TBL1Y: variants seen among roughly 807,000 people sequenced by gnomAD.
TBL1Y encodes the protein F-box-like/WD repeat-containing protein TBL1Y.
Under a neutral mutation model 12.0 loss-of-function variants are expected in TBL1Y, and 15 were observed. That is an observed-to-expected ratio of 1.25 (90% CI 0.83 to 1.92). The LOEUF (loss-of-function observed/expected upper bound fraction) is 1.92, where lower values mean the gene tolerates loss of function less well. TBL1Y is among the 40% of genes most tolerant of loss of function. The pLI is 0.00. For missense variants in TBL1Y, 148 were observed against 116.7 expected (o/e 1.27, Z -1.24); for synonymous variants, 53 against 42.6 (o/e 1.24, Z -0.95).
At chrY:6,980,090 C>T in intron 3 of TBL1Y, among the ~76,000 whole-genome samples, 1 of 33,277 alleles carries the variant, frequency 3.0e-5, no homozygotes, top group Admixed American at 2.7e-4. Context: ...AGTCCCACCT[C>T]CAACATAGGA....
chrY:6,943,438 G>T, intron 2 of TBL1Y, among the ~76,000 whole-genome samples: 1 of 32,935 alleles, frequency 3.0e-5, no homozygotes, highest in Admixed American at 2.8e-4. Context: ...AATATCTTTG[G>T]GGGATTGGTT....
intron 4 of TBL1Y, among the ~76,000 whole-genome samples, chrY:7,019,270 G>A: frequency 3.0e-5 from 1 of 33,338 alleles, no homozygotes; most frequent in Non-Finnish European, 7.4e-5. Context: ...GTAATGAACA[G>A]GTGTTGGAAG....
chrY:7,025,096 C>G lies in TBL1Y; in HGVS notation c.12C>G (p.Thr4=). The G allele has an allele frequency of 2.5e-6, 1 of 397,416 alleles. No individual in the cohort carries two copies. Among genetic ancestry groups the G allele is most frequent in the Non-Finnish European group, 3.5e-6 (1 of 283,121 alleles). The part of the protein sequence containing the change: MSI[T]SDEVNFLVYR... ...GAGGTGAGGCTAAGATGAGCATAACCAGTGACGAGGTGAACTTTCTGGTTT... is the reference window on the plus strand; with the variant it reads ...GAGGTGAGGCTAAGATGAGCATAACGAGTGACGAGGTGAACTTTCTGGTTT... Residue 4 remains threonine (T), a synonymous_variant, in exon 6 of 19, where the codon ACC becomes ACG. Transcript: ENST00000383032.
At chrY:7,078,517 T>A (rs2013074648) in intron 13 of TBL1Y, among the ~76,000 whole-genome samples, 1 of 33,831 alleles carries the variant, frequency 3.0e-5, no homozygotes, top group Non-Finnish European at 7.4e-5. Flanking sequence ...GCTGGTCAGA[T>A]GTTGATGGGT....
rs769079268 is a variant in TBL1Y, at chrY:7,043,092, G to A, written c.171G>A (p.Leu57=). 1 of 398,343 alleles carries A rather than the reference G, an allele frequency of 2.5e-6. No homozygotes were observed. The highest frequency in any genetic ancestry group is 6.1e-5 in the African/African-American group (1 of 16,264). Reference sequence around the variant, plus strand: ...TCATCTCCATTCTCCAGAAGGGACTGCAGTATGTAGAGGCTGAGATAAGCA... The same window carrying A: ...TCATCTCCATTCTCCAGAAGGGACTACAGTATGTAGAGGCTGAGATAAGCA... ...SALISILQKG[L]QYVEAEISIN... is the part of the protein sequence containing the mutation. The change falls in exon 7 of 19, where the codon CTG becomes CTA. Residue 57 remains leucine, a synonymous_variant. Transcript: ENST00000383032.
intron 4 of TBL1Y, among the ~76,000 whole-genome samples, chrY:7,000,938 A>C (rs781229772): frequency 3.0e-5 from 1 of 33,689 alleles, no homozygotes; most frequent in South Asian, 6.6e-4. Flanking sequence ...CCTGGTCTTA[A>C]TTAGCAGCAC....
chrY:6,964,819 C>G, intron 2 of TBL1Y, among the ~76,000 whole-genome samples: 1 of 32,317 alleles, frequency 3.1e-5, no homozygotes, highest in African/African-American at 1.2e-4. Flanking sequence ...TCCTGCTTGA[C>G]TCCCTTTCCC....
chrY:7,022,001 A>G (rs2012585277), intron 5 of TBL1Y, among the ~76,000 whole-genome samples: 1 of 33,066 alleles, frequency 3.0e-5, no homozygotes. Context: ...TAACCGTGAA[A>G]CTTATTAGAA....
chrY:6,928,060 G>C, intron 2 of TBL1Y, among the ~76,000 whole-genome samples: 1 of 33,355 alleles, frequency 3.0e-5, no homozygotes, highest in Non-Finnish European at 7.4e-5. Context: ...GAGCCCATTT[G>C]CTGAGAATAG....
chrY:6,987,165 C>T (rs2012324976), intron 3 of TBL1Y, among the ~76,000 whole-genome samples: 1 of 32,909 alleles, frequency 3.0e-5, no homozygotes, highest in South Asian at 6.9e-4. Context: ...GAATTGACAA[C>T]ACGTATAGAT....
chrY:7,070,011 C>A (rs2013011808), intron 8 of TBL1Y, among the ~76,000 whole-genome samples, 185 bp from the exon 9 acceptor site: 1 of 33,442 alleles, frequency 3.0e-5, no homozygotes, highest in Non-Finnish European at 7.4e-5. Flanking sequence ...GGTTTAGAGA[C>A]TGTGAAATTA....
intron 7 of TBL1Y, among the ~76,000 whole-genome samples, chrY:7,047,823 G>A (rs2012769987): frequency 4.3e-5 from 1 of 22,990 alleles, no homozygotes; most frequent in South Asian, 1.2e-3. Flanking sequence ...GCAGTGGTGC[G>A]ATCTCGGCTC....
At chrY:7,049,541 G>A in intron 7 of TBL1Y, among the ~76,000 whole-genome samples, 1 of 33,369 alleles carries the variant, frequency 3.0e-5, no homozygotes, top group African/African-American at 1.2e-4. Context: ...GTTGTTTCCT[G>A]ACTTTTTAAT....
intron 2 of TBL1Y, among the ~76,000 whole-genome samples, chrY:6,922,353 G>A (rs772761900): frequency 2.3e-4 from 8 of 34,483 alleles, no homozygotes; most frequent in Admixed American, 5.2e-4. Flanking sequence ...TGATTGGTCC[G>A]TTTTGCAGAA....
At position 7,070,258 on chromosome Y, in the gene TBL1Y, G is replaced by A; in HGVS notation, c.520G>A (p.Val174Ile). The change falls in exon 9 of 19, where the codon GTC becomes ATC. Residue 174 changes from valine to isoleucine, a missense_variant. By Grantham distance (29) the Val-to-Ile change is conservative. Transcript: ENST00000383032. The part of the protein sequence containing the change: ...DVEIPPNKAT[V>I]LRGHESEVFI... Reference sequence around the variant, plus strand: ...TGAGATTCCACCCAACAAAGCCACAGTCCTTCGGGGCCACGAGTCTGAGGT... The same window carrying A: ...TGAGATTCCACCCAACAAAGCCACAATCCTTCGGGGCCACGAGTCTGAGGT... 2 of 397,924 alleles carry A rather than the reference G, an allele frequency of 5.0e-6. No homozygotes were observed. The highest frequency in any genetic ancestry group is 6.2e-5 in the African/African-American group (1 of 16,246).
chrY:6,940,267 AT>A (rs2011944114), intron 2 of TBL1Y, among the ~76,000 whole-genome samples: 4 of 30,678 alleles, frequency 1.3e-4, no homozygotes, highest in Non-Finnish European at 3.1e-4. Context: ...AAAAAAAAAA[AT>A]TCATAATAAT....
At chrY:6,939,435 C>T in intron 2 of TBL1Y, among the ~76,000 whole-genome samples, 2 of 33,159 alleles carry the variant, frequency 6.0e-5, no homozygotes, top group African/African-American at 2.4e-4. Context: ...GCCCAGCTGG[C>T]GTCACCACTC....
At chrY:6,949,282 G>T (rs1309602785) in intron 2 of TBL1Y, among the ~76,000 whole-genome samples, 1 of 33,505 alleles carries the variant, frequency 3.0e-5, no homozygotes, top group African/African-American at 1.2e-4. Context: ...TGGATCCACT[G>T]CAGGAACAGA....
chrY:7,024,124 C>T (rs2012601163), intron 5 of TBL1Y, among the ~76,000 whole-genome samples: 1 of 33,639 alleles, frequency 3.0e-5, no homozygotes, highest in Non-Finnish European at 7.4e-5. Flanking sequence ...TTATATGTGC[C>T]ACATTTTCTT....
Sources: gnomAD v4.1 joint callset for allele counts (sites outside exome capture counted in the v4.1 genomes callset) on GRCh38, gnomAD v4.1.1 for gene constraint, MANE v1.5 for transcripts, NCBI Gene and HGNC (gene_info 2026-07-23, HGNC 2026-07-21) for gene names.